The following MTOR variants were observed in gnomAD, a reference collection of about 807,000 sequenced individuals.
The protein encoded by MTOR is serine/threonine-protein kinase mTOR.
MTOR carries 70 observed loss-of-function variants against 319.8 expected under a neutral mutation model. The ratio of observed to expected loss-of-function variants is 0.22; its 90% CI spans 0.18 to 0.27. The LOEUF is 0.27. MTOR is among the 10% of genes least tolerant of loss of function. The pLI, the probability that MTOR is intolerant of heterozygous loss-of-function variation, is 1.00. For missense variants in MTOR, 1,890 were observed against 3,274.4 expected (o/e 0.58, Z 10.32); for synonymous variants, 1,183 against 1,211.4 (o/e 0.98, Z 0.49).
In MTOR at chr1:11,123,409, C is replaced by CTTT. The variant is rs950653302; in HGVS notation, c.6662+1086_6662+1088dup. On this transcript the variant is annotated intron_variant, in intron 47 of 57. Coordinates refer to ENST00000361445, the MANE Select transcript of MTOR (RefSeq NM_004958.4). ...GTAGCTGGGACTACACTGTGCCCAG[C>CTTT]TTTTTTTTTTTTTTTTTTTTGTAGA... Among the ~76,000 whole-genome samples the CTTT allele has an allele frequency of 4.6e-3, 564 of 122,004 alleles. 15 individuals are homozygous for CTTT. Among genetic ancestry groups the CTTT allele is most frequent in the South Asian group, 0.03 (106 of 3,584 alleles). The allele number at this position is 122,004 out of a possible 152,430, so 80.0% of individuals were successfully genotyped here.
chr1:11,251,630 TTAATACCTTA>T (rs1314822445), intron 6 of MTOR, among the ~76,000 whole-genome samples: 1 of 151,800 alleles, frequency 6.6e-6, no homozygotes, highest in Non-Finnish European at 1.5e-5. Flanking sequence ...TTATGAAATT[TTAATACCTTA>T]TATTTAGATA....
chr1:11,194,943 ACCTGGT>A (rs1645724799), intron 28 of MTOR: 1 of 1,614,104 alleles, frequency 6.2e-7, no homozygotes, highest in East Asian at 2.2e-5. Context: ...GGATGGCATC[ACCTGGT>A]ATGGCTGGCA....
At position 11,257,253 on chromosome 1, in the gene MTOR, C is replaced by T. The variant is rs12121319; in HGVS notation, c.272-88G>A. The T allele has an allele frequency of 0.038, 43,874 of 1,165,528 alleles. 1,410 individuals carry two copies. Among genetic ancestry groups the T allele is most frequent in the South Asian group, 0.11 (7,610 of 69,468 alleles). 72.2% of individuals were successfully genotyped at this position (1,165,528 alleles called of 1,614,324 possible). A position where few individuals can be genotyped will look rare whatever the true frequency, so the allele number is the denominator to read the frequency against. On this transcript the variant is annotated intron_variant, in intron 3 of 57. Coordinates refer to ENST00000361445, the MANE Select transcript of MTOR (RefSeq NM_004958.4). ...ACTTCAACTAAAAGCTGGTGAGTGC[C>T]GGCCAGGCACGGTGGCTCAAGTCTG...
chr1:11,182,215 C>T (rs1281045097), intron 28 of MTOR, among the ~76,000 whole-genome samples: 3 of 140,536 alleles, frequency 2.1e-5, no homozygotes, highest in African/African-American at 8.5e-5. Flanking sequence ...GAAACTCCAT[C>T]TTAAAAAAAA....
intron 39 of MTOR, 139 bp downstream of exon 39, chr1:11,130,390 T>A (rs1570947780): frequency 1.5e-6 from 2 of 1,325,104 alleles, no homozygotes; most frequent in East Asian, 4.7e-5. Flanking sequence ...CAGTGCTGGA[T>A]GGTAGATAGG....
Position 11,159,187 on chromosome 1 carries a change from T to C in MTOR, c.4330-1896A>G, listed in dbSNP as rs370434484. On this transcript the variant is annotated intron_variant, in intron 29 of 57. Coordinates refer to ENST00000361445, the MANE Select transcript of MTOR (RefSeq NM_004958.4). Reference sequence around the variant, plus strand: ...CTTTCTGGGATCTAAGCTCTAAGGATATCAAAGGAGAGAACATCTTGATCT... The same window carrying C: ...CTTTCTGGGATCTAAGCTCTAAGGACATCAAAGGAGAGAACATCTTGATCT... Among the ~76,000 whole-genome samples, 5 of 152,154 alleles carry C rather than the reference T, an allele frequency of 3.3e-5. 1 individual carries two copies. In the East Asian group the frequency reaches 7.7e-4, roughly 23 times the overall value.
chr1:11,109,183 G>T lies in MTOR; in HGVS notation c.7528+107C>A. 2 of 932,490 alleles carry T rather than the reference G, an allele frequency of 2.1e-6. No individual in the cohort carries two copies. The highest frequency in any genetic ancestry group is 3.3e-6 in the Non-Finnish European group (2 of 598,436). 57.8% of individuals were successfully genotyped at this position (932,490 alleles called of 1,614,324 possible). ...AGACACTCTTTGTCAGCTGCATGGT[G>T]CCAAAGCTCGTCACTAACACCACTG... On this transcript the variant is annotated intron_variant, in intron 56 of 57. Coordinates refer to ENST00000361445, the MANE Select transcript of MTOR (RefSeq NM_004958.4). This position sits in a 1 kb window ranked among gnomAD's most constrained non-coding sequence, Gnocchi z 4.0.
chr1:11,129,195 T>C lies in MTOR; in HGVS notation c.5715-244A>G, dbSNP rs926413314. ...AGGTCACCGAGGGGTCACCATGGCA[T>C]GTATGCAAACATCAAACAGACGAGC... On this transcript the variant is annotated intron_variant, in intron 40 of 57. Transcript: ENST00000361445. This position sits in a 1 kb window ranked among gnomAD's most constrained non-coding sequence, Gnocchi z 4.7. Among the ~76,000 whole-genome samples, 1 of 152,158 alleles carries C rather than the reference T, an allele frequency of 6.6e-6. No individual in the cohort carries two copies. The highest frequency in any genetic ancestry group is 1.5e-5 in the Non-Finnish European group (1 of 68,034).
At chr1:11,171,919 C>T (rs983710864) in intron 28 of MTOR, among the ~76,000 whole-genome samples, 16 of 151,726 alleles carry the variant, frequency 1.1e-4, no homozygotes, top group Non-Finnish European at 1.9e-4. Flanking sequence ...CTTGTAATCC[C>T]AGCTACTGGG....
chr1:11,212,358 G>A lies in MTOR; in HGVS notation c.3515C>T (p.Thr1172Ile), dbSNP rs1478115010. The change falls in exon 23 of 58, where the codon ACA (threonine) becomes ATA (isoleucine). Residue 1172 changes from threonine to isoleucine, a missense_variant. Physicochemically the swap from Thr to Ile is moderately conservative, Grantham distance 89. Transcript: ENST00000361445. This position sits in a 1 kb window ranked among gnomAD's most constrained non-coding sequence, Gnocchi z 4.1. ...TLDQSPELRS[T>I]AMDTLSSLVF... ...AAGTGAAGACAGCGTGTCCATGGCT[G>A]TGGAGCGCAGTTCTGGGCTCTGGTC... The A allele has an allele frequency of 2.5e-6, 4 of 1,614,160 alleles. No homozygotes were observed. The Admixed American group carries it at 6.7e-5, about 27-fold the overall frequency.
chr1:11,252,385 C>T (rs1308880814), intron 6 of MTOR, among the ~76,000 whole-genome samples: 1 of 152,080 alleles, frequency 6.6e-6, no homozygotes, highest in Non-Finnish European at 1.5e-5. Flanking sequence ...GATCTTCCCA[C>T]TTCAGCCTCC....
chr1:11,165,629 T>A (rs1644618714), intron 29 of MTOR, among the ~76,000 whole-genome samples: 2 of 152,300 alleles, frequency 1.3e-5, no homozygotes, highest in Non-Finnish European at 2.9e-5. Flanking sequence ...TCCATGCTCA[T>A]GGATAGGAAG....
At position 11,121,473 on chromosome 1, in the gene MTOR, C is replaced by T. The variant is rs1642521665; in HGVS notation, c.6811-105G>A. 6.9e-7 allele frequency: 1 copy of T among 1,450,732 alleles called. No homozygotes were observed. The highest frequency in any genetic ancestry group is 9.4e-7 in the Non-Finnish European group (1 of 1,064,420). The allele number at this position is 1,450,732 out of a possible 1,614,324, so 89.9% of individuals were successfully genotyped here. On this transcript the variant is annotated intron_variant, in intron 48 of 57. Transcript: ENST00000361445. The surrounding 1 kb of genome is among the most constrained non-coding windows in gnomAD (Gnocchi z 4.9). Reference sequence around the variant, plus strand: ...TCCAGGCAGAGCTGAGTTCTAATTTCCCCATCATAGCCAAAGGAGAAGGGA... The same window carrying T: ...TCCAGGCAGAGCTGAGTTCTAATTTTCCCATCATAGCCAAAGGAGAAGGGA...
In MTOR at chr1:11,112,721, A is replaced by G. The variant is rs538377160; in HGVS notation, c.7366+131T>C. The G allele has an allele frequency of 4.7e-4, 443 of 950,330 alleles. 6 individuals are homozygous for G. In the South Asian group the frequency reaches 5.7e-3, roughly 12 times the overall value. 58.9% of individuals were successfully genotyped at this position (950,330 alleles called of 1,614,324 possible). A position where few individuals can be genotyped will look rare whatever the true frequency, so the allele number is the denominator to read the frequency against. On this transcript the variant is annotated intron_variant, in intron 54 of 57. Coordinates refer to ENST00000361445, the MANE Select transcript of MTOR (RefSeq NM_004958.4). ...CTGACTGAAGCCCACCCCACTCTAG[A>G]AACACTCTGCACAAGGGGGAGAGCC... is the stretch of plus-strand genomic sequence containing the variant.
chr1:11,234,134 TTG>T lies in MTOR; in HGVS notation c.2331+7_2331+8del, dbSNP rs2100881282. 1 of 1,614,082 alleles carries T rather than the reference TTG, an allele frequency of 6.2e-7. No homozygotes were observed. Among genetic ancestry groups the T allele is most frequent in the Non-Finnish European group, 8.5e-7 (1 of 1,179,990 alleles). ...ACAGAGAAAGCACCAGCCTCTCGGT[TTG>T]TGTTACCTTCAGAATAGGCTCCATG... is the stretch of plus-strand genomic sequence containing the variant. On this transcript the variant is annotated splice_region_variant and intron_variant, in intron 14 of 57. Transcript: ENST00000361445.
chr1:11,198,752 A>T (rs1645867897), intron 28 of MTOR, among the ~76,000 whole-genome samples: 1 of 152,234 alleles, frequency 6.6e-6, no homozygotes, highest in Non-Finnish European at 1.5e-5. Flanking sequence ...AGAGGAGCGA[A>T]CATAACCACA....
chr1:11,229,983 G>C (rs775730202), intron 18 of MTOR, among the ~76,000 whole-genome samples: 1 of 151,916 alleles, frequency 6.6e-6, no homozygotes, highest in Non-Finnish European at 1.5e-5. Flanking sequence ...ATAAAATTAA[G>C]TTAAAATAAA....
At chr1:11,253,183 A>G (rs975347079) in intron 6 of MTOR, among the ~76,000 whole-genome samples, 3 of 152,040 alleles carry the variant, frequency 2.0e-5, no homozygotes, top group African/African-American at 7.2e-5. Flanking sequence ...TGCTTCTCCC[A>G]GCTTCCTCCC....
Position 11,229,652 on chromosome 1 carries a change from T to C in MTOR, c.2780-734A>G, listed in dbSNP as rs140401465. Among the ~76,000 whole-genome samples the C allele has an allele frequency of 1.8e-3, 280 of 152,286 alleles. 3 individuals are homozygous for C. Among genetic ancestry groups the C allele is most frequent in the African/African-American group, 6.5e-3 (270 of 41,560 alleles). On this transcript the variant is annotated intron_variant, in intron 18 of 57. Coordinates refer to ENST00000361445, the MANE Select transcript of MTOR (RefSeq NM_004958.4). ...ATCTAGAAAGTTCAGAAACAATTTA[T>C]TTTGGGGTAATAATATTTTCCTGGA...
Sources: gnomAD v4.1 joint callset for allele counts (sites outside exome capture counted in the v4.1 genomes callset) on GRCh38, gnomAD v4.1.1 for gene constraint, Gnocchi (gnomAD v3.1) non-coding constraint, MANE v1.5 for transcripts, NCBI Gene and HGNC (gene_info 2026-07-23, HGNC 2026-07-21) for gene names.